The following PKN3 variants were observed in gnomAD, a reference collection of about 807,000 sequenced individuals.
PKN3 encodes the protein protein kinase N3, also known as serine/threonine-protein kinase N3.
A neutral mutation model predicts 113.1 loss-of-function variants in PKN3; 91 were observed. The observed-to-expected ratio is 0.80, with a 90% confidence interval of 0.68 to 0.96. The LOEUF (loss-of-function observed/expected upper bound fraction) is 0.96, where lower values mean the gene tolerates loss of function less well. Ranked by LOEUF, PKN3 falls within the 40% of genes least tolerant of loss-of-function variation. PKN3 has a pLI of 0.00. For missense variants in PKN3, 1,052 were observed against 1,202.2 expected, an observed-to-expected ratio of 0.88 and a Z score of 1.85; for synonymous variants, 467 against 499.0, an observed-to-expected ratio of 0.94 and a Z score of 0.85.
chr9:128,705,039 G>A (rs933375725), intron 1 of PKN3, among the ~76,000 whole-genome samples: 1 of 152,264 alleles, frequency 6.6e-6, no homozygotes, highest in African/African-American at 2.4e-5. Context: ...ATAGAACCTG[G>A]CACCCATTTA....
rs1862223622 is a variant in PKN3 at position 128,713,040 on chromosome 9, C to T, written c.836-12C>T. 1 of 1,584,166 alleles carries T rather than the reference C, an allele frequency of 6.3e-7. No homozygotes were observed. Among genetic ancestry groups the T allele is most frequent in the Non-Finnish European group, 8.6e-7 (1 of 1,161,816 alleles). ...GGCATCTGACAACGCCCCCCGCTCA[C>T]TCTCCCCACAGGGACACTGCAGGTC... On this transcript the variant is annotated splice_polypyrimidine_tract_variant and intron_variant, in intron 6 of 21. Coordinates refer to ENST00000291906, the MANE Select transcript of PKN3 (RefSeq NM_013355.5).
At position 128,713,503 on chromosome 9, in the gene PKN3, G is replaced by A. The variant is rs766142138; in HGVS notation, c.1097G>A (p.Arg366His). The A allele has an allele frequency of 8.7e-6, 14 of 1,614,056 alleles. No individual in the cohort carries two copies. Among genetic ancestry groups the A allele is most frequent in the African/African-American group, 2.7e-5 (2 of 75,052 alleles). Residue 366 changes from arginine to histidine, a missense_variant, in exon 9 of 22, where the codon CGT (arginine) becomes CAT (histidine). This residue lies in a region of PKN3 where 719 missense variants were observed against 759.4 expected (regional missense o/e 0.95). Coordinates refer to ENST00000291906, the MANE Select transcript of PKN3 (RefSeq NM_013355.5). ...QTFVIPLERA[R>H]ELEIGVHWRD... ...AGCCTGGCCTCCCCAATACAGGCCC[G>A]TGAGCTGGAGATTGGGGTACACTGG...
chr9:128,718,464 G>C, intron 17 of PKN3, 77 bp downstream of exon 17: 2 of 1,580,838 alleles, frequency 1.3e-6, no homozygotes, highest in Non-Finnish European at 8.7e-7. Context: ...TGCTGCCTCC[G>C]CCTGCCTGGG....
At chr9:128,714,442 T>G (rs1862278868) in intron 11 of PKN3, 77 bp downstream of exon 11, 1 of 1,330,814 alleles carries the variant, frequency 7.5e-7, no homozygotes, top group Non-Finnish European at 1.1e-6. Flanking sequence ...GGTATCTGTC[T>G]GTCTGTCTGC....
Position 128,702,770 on chromosome 9 carries a change from C to A in PKN3, c.-146C>A. On this transcript the variant is annotated 5_prime_UTR_variant, in exon 1 of 22. Coordinates refer to ENST00000291906, the MANE Select transcript of PKN3 (RefSeq NM_013355.5). Reference sequence around the variant, plus strand: ...GGGAGGCGGCGCTGGTCCCGCGGGCCAGCGGGTCTCGGGAGGGGGCGCCCG... The same window carrying A: ...GGGAGGCGGCGCTGGTCCCGCGGGCAAGCGGGTCTCGGGAGGGGGCGCCCG... 1 of 614,084 alleles carries A rather than the reference C, an allele frequency of 1.6e-6. No homozygotes were observed. The highest frequency in any genetic ancestry group is 3.3e-5 in the Admixed American group (1 of 30,666). 38.0% of individuals were successfully genotyped at this position (614,084 alleles called of 1,614,324 possible).
chr9:128,712,042 T>C (rs1862195669), intron 6 of PKN3, among the ~76,000 whole-genome samples: 1 of 152,214 alleles, frequency 6.6e-6, no homozygotes, highest in Non-Finnish European at 1.5e-5. Flanking sequence ...TCCGAGTAGC[T>C]GGGATTACAG....
chr9:128,719,488 C>T (rs1236137604), intron 18 of PKN3, among the ~76,000 whole-genome samples, 198 bp from the exon 19 acceptor site: 3 of 152,124 alleles, frequency 2.0e-5, no homozygotes, highest in Admixed American at 6.6e-5. Flanking sequence ...CGCACCCAGC[C>T]GAGTTCTGCC....
chr9:128,709,207 C>A (rs1430650565), intron 6 of PKN3, among the ~76,000 whole-genome samples: 1 of 151,740 alleles, frequency 6.6e-6, no homozygotes, highest in Non-Finnish European at 1.5e-5. Context: ...ATGGCGGGAA[C>A]CCCGGGGGGC....
Position 128,720,556 on chromosome 9 carries a change from GC to G in PKN3, c.2622del (p.Ala875ProfsTer?), listed in dbSNP as rs1862509102. ...CAGCCTCCTCACTGCCCGCCAACAG[GC>G]CGCCTTCCGGGACTTCGACTTTGTG... ...PHSLLTARQQAAFRDFDFVSE... is the reference protein window; with the variant it reads ...PHSLLTARQQXAFRDFDFVSE... On this transcript the variant is annotated frameshift_variant, in exon 22 of 22. Transcript: ENST00000291906. LOFTEE classifies it high-confidence loss of function. This position sits in a 1 kb window ranked among gnomAD's most constrained non-coding sequence, Gnocchi z 5.5. 2 of 1,613,470 alleles carry G rather than the reference GC, an allele frequency of 1.2e-6. No individual in the cohort carries two copies. Among genetic ancestry groups the G allele is most frequent in the Non-Finnish European group, 1.7e-6 (2 of 1,180,010 alleles).
At chr9:128,712,955 T>A in intron 6 of PKN3, 97 bp from the exon 7 acceptor site, 19 of 1,339,368 alleles carry the variant, frequency 1.4e-5, no homozygotes, top group Non-Finnish European at 1.8e-5. Flanking sequence ...TTCAGCCACC[T>A]CCTGGAGAGG....
intron 6 of PKN3, 21 bp from the exon 7 acceptor site, chr9:128,713,031 C>T (rs749203300): frequency 7.0e-6 from 11 of 1,576,192 alleles, no homozygotes; most frequent in Non-Finnish European, 8.6e-6. Flanking sequence ...TGACAACGCC[C>T]CCCGCTCACT....
chr9:128,703,707 C>A (rs1296126194), intron 1 of PKN3: 1 of 985,346 alleles, frequency 1.0e-6, no homozygotes, highest in African/African-American at 1.7e-5. Context: ...CCAGGGCAGA[C>A]GGGACCATGG....
chr9:128,709,766 A>AT, intron 6 of PKN3: 1 of 149,212 alleles, frequency 6.7e-6, no homozygotes, highest in Non-Finnish European at 1.5e-5. Flanking sequence ...AAAAAAAAAA[A>AT]TTTGCAAAAA....
intron 6 of PKN3, among the ~76,000 whole-genome samples, chr9:128,708,062 C>T (rs1269114755): frequency 4.9e-5 from 6 of 122,414 alleles, no homozygotes; most frequent in East Asian, 4.7e-4. Flanking sequence ...CGGGGCAAGA[C>T]GCCGTCGCAA....
chr9:128,707,325 G>A lies in PKN3; in HGVS notation c.755G>A (p.Arg252Lys), dbSNP rs1254467284. 6.2e-7 allele frequency: 1 copy of A among 1,613,968 alleles called. No homozygotes were observed. Among genetic ancestry groups the A allele is most frequent in the South Asian group, 1.1e-5 (1 of 91,080 alleles). The change falls in exon 6 of 22, where the codon AGA becomes AAA. Residue 252 changes from arginine to lysine, a missense_variant. Physicochemically the swap from Arg to Lys is conservative, Grantham distance 26 (BLOSUM62 2). Around this residue, in one of 2 missense-constraint regions of PKN3, gnomAD observed 719 missense variants for 759.4 expected, o/e 0.95. Transcript: ENST00000291906. ...CCTCCTGCCCACCCTTTGCGCAGCA[G>A]AGTGACCCGAGAGTTGCGGGCTGCG... ...QLPPAHPLRS[R>K]VTRELRAAVP...
At chr9:128,710,305 T>C (rs1484337581) in intron 6 of PKN3, among the ~76,000 whole-genome samples, 1 of 151,526 alleles carries the variant, frequency 6.6e-6, no homozygotes, top group East Asian at 2.0e-4. Context: ...ACAAATAATC[T>C]GAGAGCATGG....
chr9:128,716,567 C>T (rs1862343812), intron 15 of PKN3, among the ~76,000 whole-genome samples, 180 bp from the exon 16 acceptor site: 1 of 150,668 alleles, frequency 6.6e-6, no homozygotes, highest in Non-Finnish European at 1.5e-5. Context: ...CACAGCACTC[C>T]AGCCCAGGCG....
chr9:128,712,145 G>A (rs1349166592), intron 6 of PKN3, among the ~76,000 whole-genome samples: 9 of 152,096 alleles, frequency 5.9e-5, no homozygotes, highest in African/African-American at 2.2e-4. Context: ...CCTGACCTCA[G>A]GTGATCTGCC....
Position 128,702,777 on chromosome 9 carries a change from T to C in PKN3, c.-139T>C. ...GGCGCTGGTCCCGCGGGCCAGCGGG[T>C]CTCGGGAGGGGGCGCCCGATCCCGC... On this transcript the variant is annotated 5_prime_UTR_variant, in exon 1 of 22. Transcript: ENST00000291906. The C allele has an allele frequency of 1.5e-6, 1 of 645,572 alleles. No individual in the cohort carries two copies. Among genetic ancestry groups the C allele is most frequent in the Non-Finnish European group, 2.6e-6 (1 of 381,824 alleles). 40.0% of individuals were successfully genotyped at this position (645,572 alleles called of 1,614,324 possible). A position where few individuals can be genotyped will look rare whatever the true frequency, so the allele number is the denominator to read the frequency against.
Sources: gnomAD v4.1 joint callset for allele counts (sites outside exome capture counted in the v4.1 genomes callset) on GRCh38, gnomAD v4.1.1 for gene constraint, gnomAD v4.1.1 regional missense constraint, Gnocchi (gnomAD v3.1) non-coding constraint, MANE v1.5 for transcripts, NCBI Gene and HGNC (gene_info 2026-07-23, HGNC 2026-07-21) for gene names.